The following DENND4A variants were observed in gnomAD, a reference collection of about 807,000 sequenced individuals.
DENND4A encodes DENN domain containing 4A.
A neutral mutation model predicts 199.3 loss-of-function variants in DENND4A; 70 were observed. The observed-to-expected ratio is 0.35, with a 90% confidence interval of 0.29 to 0.43. The LOEUF is 0.43. Among genes scored for constraint, DENND4A ranks in the 20% least tolerant of loss-of-function variants. DENND4A has a pLI of 1.00. For synonymous variants in DENND4A, 686 were observed against 766.9 expected (o/e 0.89, Z 1.74); for missense variants, 1,723 against 2,255.8 (o/e 0.76, Z 4.78).
At chr15:65,694,196 C>T (rs2077064673) in intron 22 of DENND4A, among the ~76,000 whole-genome samples, 1 of 152,294 alleles carries the variant, frequency 6.6e-6, no homozygotes, top group Middle Eastern at 3.4e-3. Context: ...CGCCTGTAAT[C>T]CCAACACTTT....
chr15:65,742,177 T>C (rs966943219), intron 4 of DENND4A, among the ~76,000 whole-genome samples: 2 of 152,262 alleles, frequency 1.3e-5, no homozygotes, highest in Non-Finnish European at 2.9e-5. Flanking sequence ...CAATCCTTTA[T>C]GCCTCAAGAG....
intron 20 of DENND4A, among the ~76,000 whole-genome samples, chr15:65,698,952 G>T (rs781624601): frequency 6.6e-6 from 1 of 151,894 alleles, no homozygotes; most frequent in African/African-American, 2.4e-5. Flanking sequence ...TGGCCAGGCT[G>T]GTCTTGAACT....
chr15:65,687,386 G>A (rs2076823754), intron 23 of DENND4A, among the ~76,000 whole-genome samples: 1 of 151,666 alleles, frequency 6.6e-6, no homozygotes, highest in Non-Finnish European at 1.5e-5. Context: ...GACAATTATA[G>A]GTTTTTCTTT....
At chr15:65,774,957 G>A (rs894645329) in intron 1 of DENND4A, among the ~76,000 whole-genome samples, 2 of 145,930 alleles carry the variant, frequency 1.4e-5, no homozygotes, top group Non-Finnish European at 3.0e-5. Flanking sequence ...CCTTAACTTC[G>A]AACTCCTTGG....
At chr15:65,777,785 C>T (rs1358364531) in intron 1 of DENND4A, among the ~76,000 whole-genome samples, 2 of 152,162 alleles carry the variant, frequency 1.3e-5, no homozygotes, top group Non-Finnish European at 2.9e-5. Context: ...CCTGTAATCC[C>T]AACACTGTGG....
intron 1 of DENND4A, among the ~76,000 whole-genome samples, chr15:65,782,481 A>G (rs1295164283): frequency 6.6e-6 from 1 of 152,170 alleles, no homozygotes; most frequent in Non-Finnish European, 1.5e-5. Context: ...ATAATATGCC[A>G]AAGTGATTAA....
intron 24 of DENND4A, among the ~76,000 whole-genome samples, chr15:65,673,054 G>T (rs1475617686): frequency 6.6e-6 from 1 of 151,896 alleles, no homozygotes; most frequent in Admixed American, 6.6e-5. Context: ...TACAGATGGG[G>T]TTTCACCATG....
intron 11 of DENND4A, among the ~76,000 whole-genome samples, chr15:65,723,625 A>C (rs1011728596): frequency 2.0e-5 from 3 of 152,196 alleles, no homozygotes; most frequent in Non-Finnish European, 2.9e-5. Context: ...GCCTGAAATC[A>C]CAGACAGTTC....
At position 65,691,157 on chromosome 15, in the gene DENND4A, T is replaced by C. The variant is rs781352050; in HGVS notation, c.3437A>G (p.Asp1146Gly). The C allele has an allele frequency of 6.2e-7, 1 of 1,613,484 alleles. No homozygotes were observed. Among genetic ancestry groups the C allele is most frequent in the Non-Finnish European group, 8.5e-7 (1 of 1,179,738 alleles). ...ATAGTTAGAACCATCAAAAGGTGTA[T>C]CATCATCACTAGATTCCTTTTCTAG... Reference protein sequence around the residue: ...DSLEKESSDDDTPFDGSNYLA... With the variant: ...DSLEKESSDDGTPFDGSNYLA... Residue 1146 changes from aspartate to glycine, a missense_variant, in exon 23 of 33, where the codon GAT (aspartate) becomes GGT (glycine). This residue lies in a region of DENND4A where 650 missense variants were observed against 738.1 expected (regional missense o/e 0.88). Transcript: ENST00000443035.
At chr15:65,763,708 A>G (rs1385253215) in intron 1 of DENND4A, among the ~76,000 whole-genome samples, 2 of 150,058 alleles carry the variant, frequency 1.3e-5, no homozygotes, top group Non-Finnish European at 1.5e-5. Context: ...AAAAAATTCG[A>G]TAGTGTCTTG....
chr15:65,673,856 G>T (rs138615275), intron 24 of DENND4A, among the ~76,000 whole-genome samples: 1 of 152,114 alleles, frequency 6.6e-6, no homozygotes, highest in Non-Finnish European at 1.5e-5. Flanking sequence ...TTAGCCTTGA[G>T]TATCATTTAT....
intron 1 of DENND4A, among the ~76,000 whole-genome samples, chr15:65,767,064 T>C (rs2077006579): frequency 6.6e-6 from 1 of 152,210 alleles, no homozygotes; most frequent in Non-Finnish European, 1.5e-5. Flanking sequence ...GGCAGAAACT[T>C]TGTGCTCTAC....
chr15:65,715,427 A>T (rs765357569), intron 14 of DENND4A, 51 bp downstream of exon 14: 2 of 1,512,120 alleles, frequency 1.3e-6, no homozygotes, highest in Non-Finnish European at 1.8e-6. Flanking sequence ...CATAACATTT[A>T]TAACAGTCAC....
In DENND4A at chr15:65,696,437, T is replaced by C. The variant is rs761133007; in HGVS notation, c.3011A>G (p.Asn1004Ser). 1.9e-6 allele frequency: 3 copies of C among 1,612,808 alleles called. No individual in the cohort carries two copies. In the South Asian group the frequency reaches 3.3e-5, roughly 18 times the overall value. ...ADCLPKLSYQ[N>S]SSSIVRLTGT... is the part of the protein sequence containing the mutation. ...AGTGAGGCGAACGATACTGGAAGAATTTTGATAACTGAGCTTAGGAAGGCA... is the reference window on the plus strand; with the variant it reads ...AGTGAGGCGAACGATACTGGAAGAACTTTGATAACTGAGCTTAGGAAGGCA... Residue 1004 changes from asparagine to serine, a missense_variant, in exon 22 of 33, where the codon AAT (asparagine) becomes AGT (serine). By Grantham distance (46) the Asn-to-Ser change is conservative. Coordinates refer to ENST00000443035, the MANE Select transcript of DENND4A (RefSeq NM_001320835.1).
Position 65,752,614 on chromosome 15 carries a change from C to A in DENND4A, c.326G>T (p.Trp109Leu). 6.5e-7 allele frequency: 1 copy of A among 1,535,980 alleles called. No homozygotes were observed. The highest frequency in any genetic ancestry group is 2.0e-5 in the Admixed American group (1 of 49,502). Residue 109 changes from tryptophan (W) to leucine (L), a missense_variant, in exon 4 of 33, where the codon TGG becomes TTG. Coordinates refer to ENST00000443035, the MANE Select transcript of DENND4A (RefSeq NM_001320835.1). The part of the protein sequence containing the change: ...PLTDLGVLYD[W>L]KERLKQGCEI... ...ACAACCCTGTTTCAATCTTTCTTTC[C>A]AGTCATATAAAACCCTAAAAATAAA...
chr15:65,697,951 T>G (rs1463522726), intron 20 of DENND4A, among the ~76,000 whole-genome samples: 2 of 152,122 alleles, frequency 1.3e-5, no homozygotes, highest in African/African-American at 4.8e-5. Context: ...TTGAAGATAT[T>G]GTTAAGAAAA....
chr15:65,662,822 T>C (rs2075895336), intron 32 of DENND4A, among the ~76,000 whole-genome samples: 1 of 152,182 alleles, frequency 6.6e-6, no homozygotes, highest in South Asian at 2.1e-4. Context: ...GTGGTACCCA[T>C]GAAGGCTTGT....
Position 65,701,196 on chromosome 15 carries a change from T to C in DENND4A, c.2560-4A>G, listed in dbSNP as rs1053321572. The C allele has an allele frequency of 1.3e-6, 2 of 1,559,506 alleles. No homozygotes were observed. Among genetic ancestry groups the C allele is most frequent in the Non-Finnish European group, 1.7e-6 (2 of 1,160,248 alleles). On this transcript the variant is annotated splice_polypyrimidine_tract_variant and splice_region_variant and intron_variant, in intron 18 of 32. Coordinates refer to ENST00000443035, the MANE Select transcript of DENND4A (RefSeq NM_001320835.1). ...GCCAGGTACTTTCCAAAACAGCCTA[T>C]TCATTCAACAAAATAAAATAATTAG...
Position 65,690,508 on chromosome 15 carries a change from A to C in DENND4A, c.4086T>G (p.Val1362=). 2.5e-6 allele frequency: 4 copies of C among 1,613,308 alleles called. No homozygotes were observed. Among genetic ancestry groups the C allele is most frequent in the South Asian group, 1.1e-5 (1 of 91,000 alleles). The change falls in exon 23 of 33, where the codon GTT becomes GTG. Residue 1362 remains valine (V), a synonymous_variant. Transcript: ENST00000443035. ...LDTLLVPKLD[V]LRNSMFTAGK... ...CAGCAGTGAACATACTGTTTCTTAGAACATCTAGTTTAGGTACTAGTAGTG... is the reference window on the plus strand; with the variant it reads ...CAGCAGTGAACATACTGTTTCTTAGCACATCTAGTTTAGGTACTAGTAGTG...
Sources: gnomAD v4.1 joint callset for allele counts (sites outside exome capture counted in the v4.1 genomes callset) on GRCh38, gnomAD v4.1.1 for gene constraint, gnomAD v4.1.1 regional missense constraint, MANE v1.5 for transcripts, NCBI Gene and HGNC (gene_info 2026-07-23, HGNC 2026-07-21) for gene names.